The following CUL2 variants were observed in gnomAD, a reference collection of about 807,000 sequenced individuals.
CUL2 encodes the protein cullin-2.
CUL2 carries 22 observed loss-of-function variants against 110.2 expected under a neutral mutation model. That is an observed-to-expected ratio of 0.20 (90% CI 0.14 to 0.28). The LOEUF is 0.28. Among genes scored for constraint, CUL2 ranks in the 10% least tolerant of loss-of-function variants. The pLI, the probability that CUL2 is intolerant of heterozygous loss-of-function variation, is 1.00. For synonymous variants in CUL2, 279 were observed against 293.2 expected (o/e 0.95, Z 0.49); for missense variants, 631 against 905.5 (o/e 0.70, Z 3.89).
intron 5 of CUL2, among the ~76,000 whole-genome samples, chr10:35,051,535 C>G (rs577742942): frequency 1.3e-5 from 2 of 152,136 alleles, no homozygotes; most frequent in Non-Finnish European, 2.9e-5. Context: ...ATGGCGTGAA[C>G]CGGCCGGGCG....
chr10:35,022,034 C>T (rs796955260), intron 17 of CUL2, among the ~76,000 whole-genome samples: 12 of 152,224 alleles, frequency 7.9e-5, no homozygotes, highest in African/African-American at 2.9e-4. Context: ...ATGCCCTGGG[C>T]TGGCCTCTAT....
chr10:35,074,570 T>A (rs1487657471), intron 1 of CUL2, among the ~76,000 whole-genome samples: 2 of 152,054 alleles, frequency 1.3e-5, no homozygotes, highest in Admixed American at 6.6e-5. Context: ...CACTGCAACC[T>A]CCACCTCCCA....
At chr10:35,047,033 A>G (rs567419434) in intron 6 of CUL2, among the ~76,000 whole-genome samples, 5 of 152,368 alleles carry the variant, frequency 3.3e-5, no homozygotes, top group Non-Finnish European at 4.4e-5. Context: ...GAGAAGAAGC[A>G]TATCTTGATA....
intron 2 of CUL2, among the ~76,000 whole-genome samples, chr10:35,068,256 T>C (rs1022838253): frequency 1.3e-5 from 2 of 150,808 alleles, no homozygotes; most frequent in African/African-American, 4.9e-5. Context: ...ACCCCATTTC[T>C]ACCAAAAATA....
intron 1 of CUL2, among the ~76,000 whole-genome samples, chr10:35,080,724 G>A (rs2086926748): frequency 6.6e-6 from 1 of 152,058 alleles, no homozygotes; most frequent in East Asian, 1.9e-4. Context: ...CAAATTACTA[G>A]GATTACAGGC....
At chr10:35,042,252 C>T (rs2085811814) in intron 8 of CUL2, among the ~76,000 whole-genome samples, 1 of 152,104 alleles carries the variant, frequency 6.6e-6, no homozygotes, top group African/African-American at 2.4e-5. Context: ...AATTGAACCA[C>T]AGAATATTTG....
chr10:35,022,726 T>C (rs1407270347), intron 17 of CUL2, among the ~76,000 whole-genome samples: 7 of 152,184 alleles, frequency 4.6e-5, no homozygotes. Flanking sequence ...TGGTGACTGT[T>C]AATCTACTGT....
At chr10:35,119,071 T>C (rs1374027812) in intron 1 of CUL2, among the ~76,000 whole-genome samples, 2 of 152,240 alleles carry the variant, frequency 1.3e-5, no homozygotes, top group Non-Finnish European at 1.5e-5. Context: ...TGTTTTCCAA[T>C]GCTCCTTGCG....
intron 5 of CUL2, among the ~76,000 whole-genome samples, chr10:35,051,412 G>A (rs1376599485): frequency 6.7e-6 from 1 of 148,960 alleles, no homozygotes; most frequent in Admixed American, 6.7e-5. Flanking sequence ...AGGAGATGGA[G>A]ACCATCCTGG....
chr10:35,093,980 A>T (rs1459851244), upstream of CUL2, among the ~76,000 whole-genome samples: 5 of 152,076 alleles, frequency 3.3e-5, no homozygotes, highest in African/African-American at 1.2e-4. Context: ...TTTAAAATTA[A>T]TCAGTAATTT....
rs1417606726 is a variant in CUL2, at chr10:35,063,016, T to C, written c.166A>G (p.Arg56Gly). ...CVAYPEPLGE[R>G]LYTETKIFLE... ...AAAATCTTAGTTTCTGTATAAAGTC[T>C]TTCTCCAAGGGGTTCAGGATAGGCC... Residue 56 changes from arginine to glycine, a missense_variant, in exon 3 of 21, where the codon AGA (arginine) becomes GGA (glycine). By Grantham distance (125) the Arg-to-Gly change is moderately radical. Around this residue, in one of 3 missense-constraint regions of CUL2, gnomAD observed 338 missense variants for 442.5 expected, o/e 0.76. Transcript: ENST00000374749. 6.2e-7 allele frequency: 1 copy of C among 1,611,862 alleles called. No individual in the cohort carries two copies. The highest frequency in any genetic ancestry group is 8.5e-7 in the Non-Finnish European group (1 of 1,178,098).
At chr10:35,114,763 A>AGAG (rs2087571540) in intron 1 of CUL2, among the ~76,000 whole-genome samples, 1 of 152,206 alleles carries the variant, frequency 6.6e-6, no homozygotes, top group African/African-American at 2.4e-5. Flanking sequence ...CATGGTGAGG[A>AGAG]GAGAGAAAAT....
At chr10:35,021,375 G>A (rs2085177535) in intron 17 of CUL2, among the ~76,000 whole-genome samples, 1 of 151,186 alleles carries the variant, frequency 6.6e-6, no homozygotes, top group African/African-American at 2.4e-5. Flanking sequence ...TCCTGCCTCA[G>A]AGAATCTTAT....
At chr10:35,050,640 G>C (rs1452662721) in intron 5 of CUL2, among the ~76,000 whole-genome samples, 1 of 152,108 alleles carries the variant, frequency 6.6e-6, no homozygotes, top group Non-Finnish European at 1.5e-5. Flanking sequence ...CCCATCCAGT[G>C]GAAACATACA....
At chr10:35,095,036 C>A (rs748087959), upstream of CUL2, among the ~76,000 whole-genome samples, 53 of 152,000 alleles carry the variant, frequency 3.5e-4, no homozygotes, top group Non-Finnish European at 8.8e-5. Context: ...GTAATGTTGG[C>A]GGGGCACAAT....
At chr10:35,122,345 A>G (rs1245425147) in intron 1 of CUL2, among the ~76,000 whole-genome samples, 1 of 152,192 alleles carries the variant, frequency 6.6e-6, no homozygotes, top group African/African-American at 2.4e-5. Flanking sequence ...AAAAGTTACA[A>G]CTTCAGGGTT....
At chr10:35,029,000 T>C (rs2085402556) in intron 15 of CUL2, 113 bp from the exon 16 acceptor site, 1 of 653,506 alleles carries the variant, frequency 1.5e-6, no homozygotes. Flanking sequence ...CCTCAAAATG[T>C]TGATGAAATC....
Position 35,010,263 on chromosome 10 carries a change from A to T in CUL2, c.*48T>A. ...TGCTTTTTCCCACAGGAACACACCA[A>T]ATGGTGATGGCAATGATCTTCTCAC... On this transcript the variant is annotated 3_prime_UTR_variant, in exon 21 of 21. Transcript: ENST00000374749. 1 of 1,528,528 alleles carries T rather than the reference A, an allele frequency of 6.5e-7. No homozygotes were observed. 94.7% of individuals were successfully genotyped at this position (1,528,528 alleles called of 1,614,324 possible). A position where few individuals can be genotyped will look rare whatever the true frequency, so the allele number is the denominator to read the frequency against.
At chr10:35,019,064 C>T (rs2085120276) in intron 17 of CUL2, among the ~76,000 whole-genome samples, 2 of 152,126 alleles carry the variant, frequency 1.3e-5, no homozygotes, top group Admixed American at 1.3e-4. Context: ...AAAAAGGACT[C>T]TTATCAACAT....
Sources: allele counts gnomAD v4.1 joint callset (sites outside exome capture counted in the v4.1 genomes callset), GRCh38; gene constraint gnomAD v4.1.1; regional missense constraint gnomAD v4.1.1; transcripts MANE v1.5; gene names NCBI Gene and HGNC (gene_info 2026-07-23, HGNC 2026-07-21).